The following WASF3 variants were observed in gnomAD, a reference collection of about 807,000 sequenced individuals.
WASF3 encodes the protein WASP family member 3.
Under a neutral mutation model 46.6 loss-of-function variants are expected in WASF3, and 11 were observed. The ratio of observed to expected loss-of-function variants is 0.24; its 90% CI spans 0.15 to 0.39. WASF3 has a LOEUF of 0.39. Among genes scored for constraint, WASF3 ranks in the 10% least tolerant of loss-of-function variants. The pLI is 1.00. For missense variants in WASF3, 576 were observed against 669.8 expected (o/e 0.86, Z 1.55); for synonymous variants, 242 against 259.7 (o/e 0.93, Z 0.65).
rs146881508 is a variant in WASF3, at chr13:26,635,301, G to A, written c.-10-6960G>A. 8.6e-3 allele frequency among the ~76,000 whole-genome samples: 1,314 copies of A among 152,104 alleles called. 16 individuals carry two copies. The highest frequency in any genetic ancestry group is 0.029 in the African/African-American group (1,192 of 41,500). ...ATCAGCTATTGAAGCTTGTGCATGCGTCATGAAGTTCTTGTGCCATGGTTT... is the reference window on the plus strand; with the variant it reads ...ATCAGCTATTGAAGCTTGTGCATGCATCATGAAGTTCTTGTGCCATGGTTT... On this transcript the variant is annotated intron_variant, in intron 2 of 9. Coordinates refer to ENST00000335327, the MANE Select transcript of WASF3 (RefSeq NM_006646.6).
chr13:26,642,554 C>A, intron 3 of WASF3, 151 bp downstream of exon 3: 2 of 949,500 alleles, frequency 2.1e-6, no homozygotes, highest in Non-Finnish European at 3.0e-6. Context: ...TTGACCACTG[C>A]ACCTGTACTG....
intron 1 of WASF3, among the ~76,000 whole-genome samples, chr13:26,599,992 A>G (rs191529142): frequency 7.2e-5 from 11 of 152,338 alleles, no homozygotes; most frequent in African/African-American, 2.6e-4. Flanking sequence ...ACTCTCTGAA[A>G]GTACTGCTTT....
chr13:26,574,492 C>A (rs1879733578), intron 1 of WASF3, among the ~76,000 whole-genome samples: 1 of 151,280 alleles, frequency 6.6e-6, no homozygotes, highest in Admixed American at 6.6e-5. Context: ...TATTTTTATT[C>A]ACCTGGTAAA....
chr13:26,651,119 C>T (rs537252485), intron 3 of WASF3, among the ~76,000 whole-genome samples: 3 of 152,206 alleles, frequency 2.0e-5, no homozygotes, highest in African/African-American at 2.4e-5. Context: ...GCCAGGAGTT[C>T]GAGAGCAGCC....
intron 4 of WASF3, 95 bp downstream of exon 4, chr13:26,665,257 C>A: frequency 7.1e-7 from 1 of 1,414,738 alleles, no homozygotes; most frequent in Non-Finnish European, 9.7e-7. Flanking sequence ...CTTGGGATGG[C>A]ATGCTGATAT....
chr13:26,544,762 G>A, the WASF3 span, among the ~76,000 whole-genome samples: 3 of 152,160 alleles, frequency 2.0e-5, no homozygotes, highest in Middle Eastern at 3.2e-3. Flanking sequence ...AGGACTCCAC[G>A]TCAAGTGATC....
chr13:26,551,727 G>C, the WASF3 span, among the ~76,000 whole-genome samples: 1 of 152,178 alleles, frequency 6.6e-6, no homozygotes, highest in South Asian at 2.1e-4. Flanking sequence ...TATTCAGACA[G>C]AAAGCCCAGG....
intron 1 of WASF3, among the ~76,000 whole-genome samples, chr13:26,598,364 C>T (rs966387048): frequency 3.3e-5 from 5 of 151,840 alleles, no homozygotes; most frequent in Non-Finnish European, 5.9e-5. Flanking sequence ...GGATATTAGC[C>T]CTTTGTCAGA....
Position 26,687,936 on chromosome 13 carries a change from G to T in WASF3, c.*2091G>T, listed in dbSNP as rs1412072377. ...AGAGAACACAGAAGCTACTATCCAT[G>T]TCAGGATTTATTCTATTTATATCTT... is the stretch of plus-strand genomic sequence containing the variant. On this transcript the variant is annotated 3_prime_UTR_variant, in exon 10 of 10. Coordinates refer to ENST00000335327, the MANE Select transcript of WASF3 (RefSeq NM_006646.6). 1 of 151,972 alleles carries T rather than the reference G, an allele frequency of 6.6e-6. No individual in the cohort carries two copies. The highest frequency in any genetic ancestry group is 1.5e-5 in the Non-Finnish European group (1 of 68,018). 9.4% of individuals were successfully genotyped at this position (151,972 alleles called of 1,614,324 possible).
the WASF3 span, among the ~76,000 whole-genome samples, chr13:26,540,842 A>G: frequency 3.3e-5 from 5 of 152,196 alleles, no homozygotes; most frequent in Non-Finnish European, 1.5e-5. Flanking sequence ...ACTTAAAATC[A>G]GACTATAGAT....
Position 26,624,238 on chromosome 13 carries a change from A to G in WASF3, c.-11+11180A>G, listed in dbSNP as rs376354439. Among the ~76,000 whole-genome samples the G allele has an allele frequency of 8.5e-5, 13 of 152,362 alleles. No homozygotes were observed. In the South Asian group the frequency reaches 1.0e-3, roughly 12 times the overall value. ...TTGAAAAATGTATTGAGAAAAGTCTATATCAACAGAAATAAGGAAACAAGT... is the reference window on the plus strand; with the variant it reads ...TTGAAAAATGTATTGAGAAAAGTCTGTATCAACAGAAATAAGGAAACAAGT... On this transcript the variant is annotated intron_variant, in intron 2 of 9. Transcript: ENST00000335327.
At position 26,671,109 on chromosome 13, in the gene WASF3, A is replaced by G. The variant is rs61633422; in HGVS notation, c.423-763A>G. 2.3e-3 allele frequency among the ~76,000 whole-genome samples: 354 copies of G among 152,310 alleles called. 1 individual carries two copies. The highest frequency in any genetic ancestry group is 8.3e-3 in the African/African-American group (343 of 41,558). On this transcript the variant is annotated intron_variant, in intron 5 of 9. Transcript: ENST00000335327. ...GTCTTCAAAAGCATTAATAGAAAAC[A>G]GTGTTTACTTTGTATCATGATGGTT...
intron 1 of WASF3, among the ~76,000 whole-genome samples, chr13:26,587,249 C>A (rs1593132507): frequency 1.4e-5 from 2 of 147,262 alleles, no homozygotes. Flanking sequence ...TTGGAAACAA[C>A]TGAATTAGAG....
In WASF3 at chr13:26,563,626, G is replaced by A. The variant is rs533127245; in HGVS notation, c.-109+5807G>A. Among the ~76,000 whole-genome samples, 4 of 126,124 alleles carry A rather than the reference G, an allele frequency of 3.2e-5. No individual in the cohort carries two copies. The South Asian group carries it at 1.0e-3, about 33-fold the overall frequency. The allele number at this position is 126,124 out of a possible 152,430, so 82.7% of individuals were successfully genotyped here. On this transcript the variant is annotated intron_variant, in intron 1 of 9. Coordinates refer to ENST00000335327, the MANE Select transcript of WASF3 (RefSeq NM_006646.6). ...GCTGAGATCGTGCCACTGTACTCCAGCCTGGGCAACAGAGTGAGACTCCAT... is the reference window on the plus strand; with the variant it reads ...GCTGAGATCGTGCCACTGTACTCCAACCTGGGCAACAGAGTGAGACTCCAT...
intron 1 of WASF3, among the ~76,000 whole-genome samples, chr13:26,558,994 A>G (rs1377212981): frequency 6.6e-6 from 1 of 152,198 alleles, no homozygotes; most frequent in Non-Finnish European, 1.5e-5. Flanking sequence ...CTCTAGGGCA[A>G]ATTCTATTGC....
At chr13:26,612,638 A>G (rs893960065) in intron 1 of WASF3, among the ~76,000 whole-genome samples, 1 of 152,198 alleles carries the variant, frequency 6.6e-6, no homozygotes, top group African/African-American at 2.4e-5. Flanking sequence ...AACAAAACCT[A>G]AAATATATGT....
chr13:26,644,476 C>G (rs554612930), intron 3 of WASF3, among the ~76,000 whole-genome samples: 1 of 152,324 alleles, frequency 6.6e-6, no homozygotes, highest in Admixed American at 6.5e-5. Context: ...AGTTACGCTA[C>G]TGCAGTGCAT....
intron 1 of WASF3, among the ~76,000 whole-genome samples, chr13:26,595,318 T>C (rs531194355): frequency 1.4e-4 from 21 of 152,340 alleles, no homozygotes; most frequent in Middle Eastern, 6.8e-3. Flanking sequence ...CTATTTTGCC[T>C]TCCTTTTTAA....
At chr13:26,589,294 C>T (rs557245848) in intron 1 of WASF3, among the ~76,000 whole-genome samples, 15 of 152,164 alleles carry the variant, frequency 9.9e-5, no homozygotes, top group African/African-American at 3.6e-4. Flanking sequence ...AAAATGGTTC[C>T]TCTCAGAACT....
Sources: allele counts gnomAD v4.1 joint callset (sites outside exome capture counted in the v4.1 genomes callset), GRCh38; gene constraint gnomAD v4.1.1; transcripts MANE v1.5; gene names NCBI Gene and HGNC (gene_info 2026-07-23, HGNC 2026-07-21).